The following LY75 variants were observed in gnomAD, a reference collection of about 807,000 sequenced individuals.
LY75 encodes lymphocyte antigen 75, also known as C-type lectin domain family 13 member B.
In LY75, 185 loss-of-function variants were observed where a neutral mutation model predicts 231.7. The observed-to-expected ratio is 0.80, with a 90% CI of 0.71 to 0.90. The LOEUF (loss-of-function observed/expected upper bound fraction) is 0.90, where lower values mean the gene tolerates loss of function less well. LY75 is among the 40% of genes least tolerant of loss of function. The probability of loss-of-function intolerance (pLI) is 0.00; values close to 1 mark genes in which losing one functional copy is unlikely to be tolerated. For missense variants in LY75, 1,947 were observed against 2,050.2 expected (o/e 0.95, Z 0.97); for synonymous variants, 668 against 689.0 (o/e 0.97, Z 0.48).
intron 3 of LY75, among the ~76,000 whole-genome samples, chr2:159,890,583 C>G (rs1392271225): frequency 6.6e-6 from 1 of 152,144 alleles, no homozygotes; most frequent in Non-Finnish European, 1.5e-5. Context: ...GAAGCTTCCA[C>G]TCTTTCTTAT....
intron 23 of LY75, among the ~76,000 whole-genome samples, chr2:159,844,723 C>A (rs866474949): frequency 6.7e-6 from 1 of 150,286 alleles, no homozygotes; most frequent in Non-Finnish European, 1.5e-5. Flanking sequence ...GAAAAAAAAA[C>A]CCATAACAAA....
intron 14 of LY75, among the ~76,000 whole-genome samples, chr2:159,863,551 T>A (rs1235175188): frequency 1.3e-5 from 2 of 152,340 alleles, no homozygotes; most frequent in East Asian, 1.9e-4. Flanking sequence ...TGATGATTAG[T>A]GATGTTGAGC....
chr2:159,899,189 G>C, intron 1 of LY75, 130 bp from the exon 2 acceptor site: 4 of 1,485,864 alleles, frequency 2.7e-6, no homozygotes, highest in Non-Finnish European at 2.7e-6. Context: ...TTAAGCTGCA[G>C]GGGACTACAA....
intron 23 of LY75, among the ~76,000 whole-genome samples, chr2:159,847,887 G>T (rs147763373): frequency 6.6e-6 from 1 of 151,840 alleles, no homozygotes; most frequent in Non-Finnish European, 1.5e-5. Context: ...ATACACAAAG[G>T]TGTTCATTGC....
intron 23 of LY75, among the ~76,000 whole-genome samples, chr2:159,847,572 T>A (rs13385133): frequency 0.047 from 7,188 of 152,202 alleles, 518 homozygotes; most frequent in African/African-American, 0.16. Context: ...CCATCTTCAC[T>A]TTTCTAAGGT....
intron 1 of LY75, 100 bp downstream of exon 1, chr2:159,904,489 G>T: frequency 1.5e-6 from 2 of 1,295,570 alleles, no homozygotes; most frequent in South Asian, 3.1e-5. Flanking sequence ...AAGCAGCCGT[G>T]ACCTGCCCCA....
Position 159,838,893 on chromosome 2 carries a change from T to C in LY75, c.3507+1836A>G, listed in dbSNP as rs573371027. Among the ~76,000 whole-genome samples, 213 of 152,254 alleles carry C rather than the reference T, an allele frequency of 1.4e-3. 1 individual carries two copies. Among genetic ancestry groups the C allele is most frequent in the Non-Finnish European group, 2.4e-3 (162 of 68,020 alleles). On this transcript the variant is annotated intron_variant, in intron 25 of 34. Transcript: ENST00000263636. ...TCACTGCAACCTCCACCTCCCAGGT[T>C]CAAGTGATTCTGGTGCCTCAGCCTT...
At position 159,898,789 on chromosome 2, in the gene LY75, C is replaced by T. The variant is rs762158522; in HGVS notation, c.365G>A (p.Arg122Gln). Residue 122 changes from arginine (R) to glutamine (Q), a missense_variant, in exon 2 of 35, where the codon CGG (arginine) becomes CAG (glutamine). Coordinates refer to ENST00000263636, the MANE Select transcript of LY75 (RefSeq NM_002349.4). The stretch of plus-strand genomic sequence containing the variant: ...GCCATGTCCATCCTTCAGAGCCAGC[C>T]GGTACCGGGCAGCTCCGTACAGAGA... ...HHSLYGAARY[R>Q]LALKDGHGTA... is the part of the protein sequence containing the mutation. 3.3e-5 allele frequency: 54 copies of T among 1,614,086 alleles called. No individual in the cohort carries two copies. Among genetic ancestry groups the T allele is most frequent in the Middle Eastern group, 3.3e-4 (2 of 6,084 alleles).
At chr2:159,810,453 C>A in intron 32 of LY75, 73 bp downstream of exon 32, 3 of 1,543,258 alleles carry the variant, frequency 1.9e-6, no homozygotes, top group Non-Finnish European at 2.6e-6. Context: ...ACAATCATTG[C>A]TTCAAATTAT....
chr2:159,901,583 A>G lies in LY75; in HGVS notation c.95-2524T>C, dbSNP rs76245600. On this transcript the variant is annotated intron_variant, in intron 1 of 34. Transcript: ENST00000263636. ...TTTTTCAAAATTTTTGTAGAATCCA[A>G]TGGATTAGCTACATTTCTTTATACA... Among the ~76,000 whole-genome samples the G allele has an allele frequency of 5.3e-5, 8 of 152,336 alleles. No individual in the cohort carries two copies. The East Asian group carries it at 7.7e-4, about 15-fold the overall frequency.
chr2:159,868,574 AC>A (rs2125865341), intron 13 of LY75, among the ~76,000 whole-genome samples: 1 of 152,318 alleles, frequency 6.6e-6, no homozygotes, highest in Non-Finnish European at 1.5e-5. Flanking sequence ...GTGATTCAAA[AC>A]AAAGAAACAA....
At chr2:159,895,045 C>T (rs755202467) in intron 2 of LY75, among the ~76,000 whole-genome samples, 1 of 152,120 alleles carries the variant, frequency 6.6e-6, no homozygotes, top group African/African-American at 2.4e-5. Context: ...ATCTTATCAC[C>T]GTTTACCAGG....
At chr2:159,903,703 G>T (rs1686147352) in intron 1 of LY75, 1 of 152,260 alleles carries the variant, frequency 6.6e-6, no homozygotes, top group African/African-American at 2.4e-5. Context: ...GAAGTGGCCG[G>T]TGGAGGGTGG....
intron 1 of LY75, among the ~76,000 whole-genome samples, chr2:159,903,771 C>T (rs1271223042): frequency 6.6e-6 from 1 of 152,198 alleles, no homozygotes; most frequent in Non-Finnish European, 1.5e-5. Context: ...GCACACCCCT[C>T]GCCCAGGCAA....
intron 13 of LY75, among the ~76,000 whole-genome samples, chr2:159,866,636 C>T (rs1349233119): frequency 1.3e-5 from 2 of 152,126 alleles, no homozygotes. Context: ...ATTTCTAAAC[C>T]ACAGGGTCTA....
At position 159,805,125 on chromosome 2, in the gene LY75, C is replaced by CA; in HGVS notation, c.5087dup (p.Leu1696PhefsTer17). The CA allele has an allele frequency of 2.5e-6, 4 of 1,614,142 alleles. No homozygotes were observed. The highest frequency in any genetic ancestry group is 3.4e-6 in the Non-Finnish European group (4 of 1,179,980). Reference sequence around the variant, plus strand: ...GAACTGATGAGAAACCCGCCAGGTGCAAACGGTGCCTTTGGAAGAGGAACC... The same window carrying CA: ...GAACTGATGAGAAACCCGCCAGGTGCAAAACGGTGCCTTTGGAAGAGGAACC... On this transcript the variant is annotated frameshift_variant, in exon 35 of 35. Coordinates refer to ENST00000263636, the MANE Select transcript of LY75 (RefSeq NM_002349.4). LOFTEE classifies it high-confidence loss of function.
At chr2:159,858,220 G>T in intron 16 of LY75, 142 bp downstream of exon 16, 1 of 958,086 alleles carries the variant, frequency 1.0e-6, no homozygotes, top group Non-Finnish European at 1.5e-6. Flanking sequence ...TCAGGCAGGG[G>T]GTGCTCCACA....
chr2:159,806,176 T>TA (rs999620524), intron 34 of LY75, among the ~76,000 whole-genome samples: 1 of 152,176 alleles, frequency 6.6e-6, no homozygotes, highest in Non-Finnish European at 1.5e-5. Flanking sequence ...TTCCTCTCTT[T>TA]AAAAAATTGA....
chr2:159,811,427 A>G (rs1682957654), intron 31 of LY75, among the ~76,000 whole-genome samples: 1 of 152,050 alleles, frequency 6.6e-6, no homozygotes, highest in African/African-American at 2.4e-5. Context: ...GCCCTTTAAC[A>G]CCTGTTTTTA....
Sources: gnomAD v4.1 joint callset for allele counts (sites outside exome capture counted in the v4.1 genomes callset) on GRCh38, gnomAD v4.1.1 for gene constraint, MANE v1.5 for transcripts, NCBI Gene and HGNC (gene_info 2026-07-23, HGNC 2026-07-21) for gene names.